Variants in PRKAR1A observed in about 807,000 individuals in gnomAD.
PRKAR1A encodes cAMP-dependent protein kinase type I-alpha regulatory subunit.
PRKAR1A carries 3 observed loss-of-function variants against 52.0 expected under a neutral mutation model. The ratio of observed to expected loss-of-function variants is 0.06; its 90% confidence interval spans 0.03 to 0.15. The LOEUF (loss-of-function observed/expected upper bound fraction) is 0.15. Ranked by LOEUF, PRKAR1A falls within the 10% of genes least tolerant of loss-of-function variation. The pLI is 1.00. For missense variants in PRKAR1A, 240 were observed against 477.4 expected (o/e 0.50, Z 4.63); for synonymous variants, 188 against 168.4 (o/e 1.12, Z -0.90).
chr17:68,542,829 G>T lies in PRKAR1A; in HGVS notation c.974-8255G>T, dbSNP rs201900897. 15 of 1,573,712 alleles carry T rather than the reference G, an allele frequency of 9.5e-6. No homozygotes were observed. The South Asian group carries it at 1.4e-4, about 15-fold the overall frequency. On this transcript the variant is annotated intron_variant, in intron 11 of 11. Coordinates refer to the PRKAR1A transcript ENST00000585981. ...AGAATCCTGCAAGAGAGGAAGCTCT[G>T]TTCCATCTGAGGGATGATCAGGGAG... is the stretch of plus-strand genomic sequence containing the variant.
the PRKAR1A span, chr17:68,426,015 C>T: frequency 2.8e-5 from 39 of 1,387,012 alleles, no homozygotes; most frequent in Middle Eastern, 2.0e-4. Flanking sequence ...TCGTATGAGG[C>T]GAAGGTTTCC....
chr17:68,543,414 C>T (rs904848528), intron 11 of PRKAR1A, among the ~76,000 whole-genome samples: 1 of 152,304 alleles, frequency 6.6e-6, no homozygotes, highest in South Asian at 2.1e-4. Flanking sequence ...GTAAATTGTT[C>T]TTTTCGTTAC....
downstream of PRKAR1A, chr17:68,537,780 T>G: frequency 1.3e-6 from 2 of 1,582,356 alleles, no homozygotes; most frequent in Non-Finnish European, 1.7e-6. The surrounding 1 kb of genome is among the most constrained non-coding windows in gnomAD (Gnocchi z 4.2). Context: ...TAAGCAAATG[T>G]AAAGAAAATA....
At chr17:68,538,596 C>G (rs1047920502) in intron 11 of PRKAR1A, among the ~76,000 whole-genome samples, 1 of 152,330 alleles carries the variant, frequency 6.6e-6, no homozygotes, top group South Asian at 2.1e-4. Flanking sequence ...CAAGGGCCTT[C>G]GTGCCTTCTT....
At chr17:68,443,069 A>G in the PRKAR1A span, among the ~76,000 whole-genome samples, 5 of 152,160 alleles carry the variant, frequency 3.3e-5, no homozygotes, top group Admixed American at 1.3e-4. Flanking sequence ...ACTCCCTAAC[A>G]GCCTCAATGG....
the PRKAR1A span, among the ~76,000 whole-genome samples, chr17:68,483,858 T>C: frequency 1.3e-5 from 2 of 148,716 alleles, no homozygotes; most frequent in African/African-American, 2.5e-5. Flanking sequence ...CAAAACTCCG[T>C]CTCAAAAAAA....
chr17:68,473,718 T>C, the PRKAR1A span, among the ~76,000 whole-genome samples: 1 of 152,170 alleles, frequency 6.6e-6, no homozygotes, highest in African/African-American at 2.4e-5. Context: ...AGACGGGGTT[T>C]AACCATATTG....
At chr17:68,506,470 T>C in the PRKAR1A span, among the ~76,000 whole-genome samples, 2 of 150,734 alleles carry the variant, frequency 1.3e-5, no homozygotes, top group Non-Finnish European at 3.0e-5. Flanking sequence ...GCTGGCCCCT[T>C]CAGACTGTGA....
chr17:68,541,311 CAT>C (rs1420576975), intron 11 of PRKAR1A: 1 of 329,922 alleles, frequency 3.0e-6, no homozygotes, highest in South Asian at 2.9e-5. Context: ...CTGCGCCACT[CAT>C]AGCACCTCCA....
the PRKAR1A span, chr17:68,434,482 C>T: frequency 2.6e-6 from 4 of 1,525,868 alleles, no homozygotes; most frequent in South Asian, 4.7e-5. Context: ...TCTGTCCTCT[C>T]CCTAGACAGC....
the PRKAR1A span, among the ~76,000 whole-genome samples, chr17:68,447,686 A>G: frequency 2.6e-5 from 4 of 151,934 alleles, no homozygotes; most frequent in African/African-American, 7.3e-5. Flanking sequence ...TTTCCTTCCT[A>G]TATACTTAGA....
chr17:68,415,862 A>G, the PRKAR1A span, among the ~76,000 whole-genome samples: 1 of 152,152 alleles, frequency 6.6e-6, no homozygotes, highest in Admixed American at 6.5e-5. Context: ...GTTCATTTGC[A>G]TGAAATATCT....
chr17:68,495,592 TG>T, the PRKAR1A span, among the ~76,000 whole-genome samples: 1 of 152,204 alleles, frequency 6.6e-6, no homozygotes, highest in East Asian at 1.9e-4. Flanking sequence ...ATCTTCTCTG[TG>T]CTAATGTTTG....
At chr17:68,468,684 A>C in the PRKAR1A span, among the ~76,000 whole-genome samples, 223 of 152,318 alleles carry the variant, frequency 1.5e-3, 2 homozygotes, top group East Asian at 0.032. Flanking sequence ...GCTTTCCAAA[A>C]ACATGACTGA....
chr17:68,502,937 A>G, the PRKAR1A span, among the ~76,000 whole-genome samples: 8 of 152,182 alleles, frequency 5.3e-5, no homozygotes, highest in African/African-American at 1.9e-4. Flanking sequence ...AAGTTAGTCT[A>G]ATAATGTATT....
At chr17:68,449,768 A>G in the PRKAR1A span, among the ~76,000 whole-genome samples, 298 of 152,258 alleles carry the variant, frequency 2.0e-3, 2 homozygotes, top group African/African-American at 6.6e-3. Context: ...AGTGAAACCT[A>G]TTTTCTTTAT....
At chr17:68,445,108 C>T in the PRKAR1A span, among the ~76,000 whole-genome samples, 9 of 152,002 alleles carry the variant, frequency 5.9e-5, no homozygotes, top group South Asian at 2.1e-4. Context: ...TTAGTAGAGA[C>T]GGGGTTTCAC....
chr17:68,428,743 G>A, the PRKAR1A span: 1 of 1,002,054 alleles, frequency 1.0e-6, no homozygotes, highest in Non-Finnish European at 1.5e-6. Context: ...CAATGCAAGG[G>A]CACTGAAGCT....
the PRKAR1A span, among the ~76,000 whole-genome samples, chr17:68,484,070 C>G: frequency 6.6e-6 from 1 of 152,076 alleles, no homozygotes. Flanking sequence ...TTGTGCCTTT[C>G]CTTATGAATT....
Sources: gnomAD v4.1 joint callset for allele counts (sites outside exome capture counted in the v4.1 genomes callset) on GRCh38, gnomAD v4.1.1 for gene constraint, Gnocchi (gnomAD v3.1) non-coding constraint, MANE v1.5 for transcripts, NCBI Gene and HGNC (gene_info 2026-07-23, HGNC 2026-07-21) for gene names.